The following SPEF2 variants were observed in gnomAD, a reference collection of about 807,000 sequenced individuals.
SPEF2 encodes sperm flagella and cilia-associated protein 2.
In SPEF2, 187 loss-of-function variants were observed where a neutral mutation model predicts 224.6. The observed-to-expected ratio is 0.83, with a 90% CI of 0.74 to 0.94. The LOEUF (loss-of-function observed/expected upper bound fraction) is 0.94. SPEF2 is among the 40% of genes least tolerant of loss of function. The pLI is 0.00. For synonymous variants in SPEF2, 715 were observed against 707.3 expected, an observed-to-expected ratio of 1.01 and a Z score of -0.17; for missense variants, 2,170 against 2,135.6, an observed-to-expected ratio of 1.02 and a Z score of -0.32.
At position 35,641,599 on chromosome 5, in the gene SPEF2, T is replaced by C; in HGVS notation, c.330T>C (p.Ser110=). 1 of 1,613,740 alleles carries C rather than the reference T, an allele frequency of 6.2e-7. No individual in the cohort carries two copies. Among genetic ancestry groups the C allele is most frequent in the Non-Finnish European group, 8.5e-7 (1 of 1,179,784 alleles). The part of the protein sequence containing the change: ...LYIALQKKKK[S]GLTGVEMQTM... ...TTGCTCTTCAGAAAAAGAAGAAAAG[T>C]GGACTGACTGGAGTGGAGATGCAAA... The change falls in exon 3 of 37, where the codon AGT becomes AGC. Residue 110 remains serine, a synonymous_variant. Transcript: ENST00000356031.
chr5:35,642,651 A>C (rs555031877), intron 3 of SPEF2, among the ~76,000 whole-genome samples: 1 of 152,332 alleles, frequency 6.6e-6, no homozygotes, highest in East Asian at 1.9e-4. Context: ...TCCAGTTTTT[A>C]TGCAATTCCT....
At chr5:35,804,969 C>T (rs1757883304) in intron 34 of SPEF2, among the ~76,000 whole-genome samples, 1 of 152,124 alleles carries the variant, frequency 6.6e-6, no homozygotes, top group Non-Finnish European at 1.5e-5. Flanking sequence ...TTTTACATCA[C>T]AACTATGTTC....
intron 6 of SPEF2, among the ~76,000 whole-genome samples, chr5:35,652,414 G>A (rs954092273): frequency 2.6e-5 from 4 of 151,988 alleles, no homozygotes; most frequent in Non-Finnish European, 5.9e-5. Flanking sequence ...AAAGTGTTAC[G>A]CTACACAATT....
At chr5:35,808,209 A>C in intron 36 of SPEF2, 1 of 905,768 alleles carries the variant, frequency 1.1e-6, no homozygotes, top group Non-Finnish European at 1.3e-6. Context: ...ATTAATATTA[A>C]AATTAATTTT....
intron 30 of SPEF2, chr5:35,781,283 A>G (rs1754303104): frequency 6.6e-6 from 1 of 152,224 alleles, no homozygotes; most frequent in South Asian, 2.1e-4. Flanking sequence ...GGGACACAGT[A>G]TGAATGTTAT....
chr5:35,653,806 G>A (rs1423147021), intron 6 of SPEF2, among the ~76,000 whole-genome samples: 3 of 151,562 alleles, frequency 2.0e-5, no homozygotes, highest in African/African-American at 7.3e-5. Context: ...AATTAGCCGG[G>A]CGTGGTGGCG....
rs1747075892 is a variant in SPEF2 at position 35,644,526 on chromosome 5, G to A, written c.585+1G>A. On this transcript the variant is annotated splice_donor_variant, in intron 4 of 36. Transcript: ENST00000356031. LOFTEE classifies it high-confidence loss of function. ...GCAAAGATGTTTTGATATTGAAAAGGTTCTATAGAACTATTTTTTCAGAAA... is the reference window on the plus strand; with the variant it reads ...GCAAAGATGTTTTGATATTGAAAAGATTCTATAGAACTATTTTTTCAGAAA... 2 of 1,588,476 alleles carry A rather than the reference G, an allele frequency of 1.3e-6. No homozygotes were observed. The highest frequency in any genetic ancestry group is 1.8e-5 in the Admixed American group (1 of 54,334).
intron 6 of SPEF2, among the ~76,000 whole-genome samples, chr5:35,652,507 C>T (rs531222056): frequency 6.6e-6 from 1 of 152,254 alleles, no homozygotes; most frequent in East Asian, 1.9e-4. Context: ...AATTTGTGCT[C>T]AACTCTTCTC....
Position 35,724,331 on chromosome 5 carries a change from G to A in SPEF2, c.2915-3344G>A, listed in dbSNP as rs183852868. Among the ~76,000 whole-genome samples, 9 of 152,108 alleles carry A rather than the reference G, an allele frequency of 5.9e-5. No homozygotes were observed. The East Asian group carries it at 1.7e-3, about 29-fold the overall frequency. ...AATAAATTAAATAAATAATATTTCT[G>A]CTCTTAAGTACGAGTCTCTTAATGA... On this transcript the variant is annotated intron_variant, in intron 20 of 36. Coordinates refer to ENST00000356031, the MANE Select transcript of SPEF2 (RefSeq NM_024867.4).
intron 16 of SPEF2, chr5:35,702,214 C>T (rs1561223745): frequency 2.2e-6 from 1 of 456,086 alleles, no homozygotes; most frequent in Non-Finnish European, 4.4e-6. Flanking sequence ...ACATGCAGTT[C>T]TGCAGTGCTC....
intron 21 of SPEF2, 74 bp downstream of exon 21, chr5:35,727,897 G>T: frequency 6.6e-7 from 1 of 1,513,524 alleles, no homozygotes; most frequent in African/African-American, 1.4e-5. Context: ...ACTGTCATTT[G>T]CAACATCCTG....
intron 24 of SPEF2, among the ~76,000 whole-genome samples, chr5:35,754,156 C>T (rs917756658): frequency 2.0e-5 from 3 of 152,120 alleles, no homozygotes; most frequent in African/African-American, 7.2e-5. Flanking sequence ...ACCAGGCAGA[C>T]ATTTGATTCC....
chr5:35,717,876 G>T (rs1398925784), intron 20 of SPEF2, among the ~76,000 whole-genome samples: 2 of 152,172 alleles, frequency 1.3e-5, no homozygotes, highest in East Asian at 1.9e-4. Context: ...GGATAAGGAC[G>T]AAGACCGATC....
chr5:35,674,408 G>C (rs1346004224), intron 10 of SPEF2, among the ~76,000 whole-genome samples: 1 of 138,568 alleles, frequency 7.2e-6, no homozygotes, highest in Non-Finnish European at 1.5e-5. Context: ...TTAAGTTTTA[G>C]GGTGCATGTG....
At chr5:35,624,374 A>T (rs1161312609) in intron 1 of SPEF2, among the ~76,000 whole-genome samples, 1 of 152,136 alleles carries the variant, frequency 6.6e-6, no homozygotes, top group Non-Finnish European at 1.5e-5. Flanking sequence ...TTTACTTATC[A>T]TATTCCTCCA....
In SPEF2 at chr5:35,657,513, C is replaced by G. The variant is rs749548203; in HGVS notation, c.979-1506C>G. ...TCGGGGGGGTGGTTTAAAAACATAC[C>G]TAGGAGGTTTACTAGACTACTTCTT... On this transcript the variant is annotated intron_variant, in intron 7 of 36. Coordinates refer to ENST00000356031, the MANE Select transcript of SPEF2 (RefSeq NM_024867.4). Among the ~76,000 whole-genome samples the G allele has an allele frequency of 3.9e-5, 6 of 151,944 alleles. 1 individual carries two copies.
At chr5:35,799,740 A>G (rs535482807) in intron 33 of SPEF2, among the ~76,000 whole-genome samples, 1 of 152,340 alleles carries the variant, frequency 6.6e-6, no homozygotes, top group Non-Finnish European at 1.5e-5. Context: ...ATATGTTAGT[A>G]GCATTAATTA....
intron 33 of SPEF2, among the ~76,000 whole-genome samples, chr5:35,797,344 G>C (rs1756817567): frequency 6.6e-6 from 1 of 151,874 alleles, no homozygotes. Context: ...GTGTGTGTGT[G>C]TGTGTGTGTG....
At chr5:35,800,929 T>C (rs1216092762) in intron 34 of SPEF2, among the ~76,000 whole-genome samples, 1 of 152,188 alleles carries the variant, frequency 6.6e-6, no homozygotes, top group Non-Finnish European at 1.5e-5. Flanking sequence ...TAAAGTAGAA[T>C]AGTCTGAAAG....
Sources: allele counts gnomAD v4.1 joint callset (sites outside exome capture counted in the v4.1 genomes callset), GRCh38; gene constraint gnomAD v4.1.1; transcripts MANE v1.5; gene names NCBI Gene and HGNC (gene_info 2026-07-23, HGNC 2026-07-21).